The following ADAMTSL3 variants were observed in gnomAD, a reference collection of about 807,000 sequenced individuals.
The protein encoded by ADAMTSL3 is ADAMTS-like protein 3.
ADAMTSL3 carries 128 observed loss-of-function variants against 201.7 expected under a neutral mutation model. The observed-to-expected ratio is 0.63, with a 90% CI of 0.55 to 0.73. The LOEUF is 0.73. Ranked by LOEUF, ADAMTSL3 falls within the 30% of genes least tolerant of loss-of-function variation. ADAMTSL3 has a pLI of 0.00. For missense variants in ADAMTSL3, 1,990 were observed against 2,119.6 expected (o/e 0.94, Z 1.20); for synonymous variants, 738 against 748.4 (o/e 0.99, Z 0.23).
At chr15:83,836,985 G>A (rs2064283802) in intron 6 of ADAMTSL3, among the ~76,000 whole-genome samples, 1 of 152,098 alleles carries the variant, frequency 6.6e-6, no homozygotes, top group Non-Finnish European at 1.5e-5. Context: ...TACACATTAT[G>A]TAAAATATAT....
chr15:83,693,376 C>A (rs768091548), intron 2 of ADAMTSL3, among the ~76,000 whole-genome samples: 16 of 152,164 alleles, frequency 1.1e-4, no homozygotes, highest in Non-Finnish European at 2.1e-4. Context: ...GGGGAGCAGC[C>A]ATGCTCGGGC....
chr15:83,666,165 TA>T (rs1461506162), intron 2 of ADAMTSL3, among the ~76,000 whole-genome samples: 2 of 152,188 alleles, frequency 1.3e-5, no homozygotes, highest in African/African-American at 2.4e-5. Context: ...GATAACTATT[TA>T]AAAAATTTAA....
intron 19 of ADAMTSL3, among the ~76,000 whole-genome samples, chr15:83,948,176 G>A (rs2066691416): frequency 6.6e-6 from 1 of 152,128 alleles, no homozygotes; most frequent in South Asian, 2.1e-4. Context: ...ATTTTCCATA[G>A]AACTATGAAT....
At chr15:83,849,186 G>A (rs190557797) in intron 7 of ADAMTSL3, among the ~76,000 whole-genome samples, 2 of 152,236 alleles carry the variant, frequency 1.3e-5, no homozygotes, top group Admixed American at 6.5e-5. Context: ...GAATGCAATA[G>A]CATAATCCTG....
At chr15:83,821,995 GTT>G in intron 6 of ADAMTSL3, among the ~76,000 whole-genome samples, 1 of 142,032 alleles carries the variant, frequency 7.0e-6, no homozygotes, top group Admixed American at 6.9e-5. Flanking sequence ...GGCCGGGCGG[GTT>G]GCTGACCTCC....
intron 4 of ADAMTSL3, among the ~76,000 whole-genome samples, chr15:83,786,382 T>C (rs1165601534): frequency 6.6e-6 from 1 of 152,214 alleles, no homozygotes; most frequent in Non-Finnish European, 1.5e-5. Flanking sequence ...AGTAATACAA[T>C]GCATAATAAT....
intron 16 of ADAMTSL3, among the ~76,000 whole-genome samples, chr15:83,923,039 T>C (rs1431137601): frequency 6.6e-6 from 1 of 152,144 alleles, no homozygotes; most frequent in Non-Finnish European, 1.5e-5. Context: ...GGCTTTGGGG[T>C]CAGACAGACC....
chr15:83,728,086 T>G (rs2062207275), intron 3 of ADAMTSL3, among the ~76,000 whole-genome samples: 1 of 152,074 alleles, frequency 6.6e-6, no homozygotes, highest in African/African-American at 2.4e-5. Flanking sequence ...TTATATCCTC[T>G]TGGTGTTTTG....
intron 19 of ADAMTSL3, among the ~76,000 whole-genome samples, chr15:83,961,273 A>G (rs2066964269): frequency 6.6e-6 from 1 of 152,220 alleles, no homozygotes; most frequent in African/African-American, 2.4e-5. Context: ...AATTATATGG[A>G]AAAGAACAAA....
chr15:83,658,733 T>C (rs1461120558), intron 2 of ADAMTSL3, among the ~76,000 whole-genome samples: 1 of 152,218 alleles, frequency 6.6e-6, no homozygotes, highest in Non-Finnish European at 1.5e-5. Context: ...TCAAACTTTA[T>C]CCAGCCTGGA....
intron 2 of ADAMTSL3, among the ~76,000 whole-genome samples, chr15:83,657,932 C>T (rs2061113188): frequency 6.6e-6 from 1 of 152,080 alleles, no homozygotes; most frequent in Admixed American, 6.5e-5. Flanking sequence ...TCAAGGCCGC[C>T]CTTTCTGAAG....
intron 7 of ADAMTSL3, 65 bp from the exon 8 acceptor site, chr15:83,858,701 C>A: frequency 7.6e-7 from 1 of 1,308,810 alleles, no homozygotes; most frequent in South Asian, 1.3e-5. Context: ...TTTTGATTGA[C>A]TTGCTCATTT....
chr15:83,694,944 A>C (rs1262630611), intron 2 of ADAMTSL3, among the ~76,000 whole-genome samples: 6 of 152,298 alleles, frequency 3.9e-5, no homozygotes, highest in South Asian at 2.1e-4. Context: ...GAAAGGTGAA[A>C]TGTGTTCTAG....
intron 6 of ADAMTSL3, among the ~76,000 whole-genome samples, chr15:83,833,836 A>G (rs1450704954): frequency 6.6e-6 from 1 of 152,232 alleles, no homozygotes; most frequent in African/African-American, 2.4e-5. Flanking sequence ...TGGAGGATAC[A>G]TGCTCATTGT....
At chr15:83,674,127 C>G (rs1380773078) in intron 2 of ADAMTSL3, among the ~76,000 whole-genome samples, 4 of 146,126 alleles carry the variant, frequency 2.7e-5, no homozygotes, top group African/African-American at 1.0e-4. Context: ...ACTTATAGAT[C>G]ATGGTTTTTG....
intron 4 of ADAMTSL3, among the ~76,000 whole-genome samples, chr15:83,795,381 T>G (rs1409524804): frequency 6.6e-6 from 1 of 152,196 alleles, no homozygotes. Context: ...AGTGCATAAC[T>G]GATTCTGTGC....
chr15:83,991,206 C>T lies in ADAMTSL3; in HGVS notation c.3965C>T (p.Pro1322Leu). ...ALGANVTIRC[P>L]VKGVPQPNIT... is the part of the protein sequence containing the mutation. ...GGAGCAAACGTGACAATCCGATGTC[C>T]TGTAAAAGGTAAGTGTGGTCATTTC... The change falls in exon 23 of 30, where the codon CCT becomes CTT. Residue 1322 changes from proline to leucine, a missense_variant. Pro to Leu is a moderately conservative substitution (Grantham distance 98). Coordinates refer to ENST00000286744, the MANE Select transcript of ADAMTSL3 (RefSeq NM_207517.3). 1 of 1,614,116 alleles carries T rather than the reference C, an allele frequency of 6.2e-7. No individual in the cohort carries two copies. The highest frequency in any genetic ancestry group is 8.5e-7 in the Non-Finnish European group (1 of 1,179,998).
chr15:83,916,359 C>T (rs1367061198), intron 16 of ADAMTSL3, among the ~76,000 whole-genome samples: 9 of 152,150 alleles, frequency 5.9e-5, no homozygotes, highest in Non-Finnish European at 1.5e-5. Context: ...TGGACACCTA[C>T]TAACCCAAAT....
At chr15:83,741,252 T>C (rs1017794806) in intron 3 of ADAMTSL3, among the ~76,000 whole-genome samples, 7 of 151,206 alleles carry the variant, frequency 4.6e-5, no homozygotes, top group Admixed American at 6.6e-5. Context: ...TAAATATTAA[T>C]AGATGGAATC....
Sources: allele counts gnomAD v4.1 joint callset (sites outside exome capture counted in the v4.1 genomes callset), GRCh38; gene constraint gnomAD v4.1.1; transcripts MANE v1.5; gene names NCBI Gene and HGNC (gene_info 2026-07-23, HGNC 2026-07-21).